The following SNAP25 variants were observed in gnomAD, a reference collection of about 807,000 sequenced individuals.
The protein encoded by SNAP25 is synaptosome associated protein 25.
A neutral mutation model predicts 28.7 loss-of-function variants in SNAP25; 3 were observed. The ratio of observed to expected loss-of-function variants is 0.10; its 90% CI spans 0.05 to 0.27. The LOEUF (loss-of-function observed/expected upper bound fraction) is 0.27. Among genes scored for constraint, SNAP25 ranks in the 10% least tolerant of loss-of-function variants. The pLI is 1.00. For missense variants in SNAP25, 117 were observed against 278.7 expected (o/e 0.42, Z 4.13); for synonymous variants, 61 against 88.1 (o/e 0.69, Z 1.72).
At chr20:10,270,396 G>C (rs866669154) in intron 1 of SNAP25, among the ~76,000 whole-genome samples, 1 of 151,836 alleles carries the variant, frequency 6.6e-6, no homozygotes, top group Admixed American at 6.6e-5. Context: ...TCACCTGAAG[G>C]CTGGCTGGAA....
At chr20:10,304,380 T>G (rs981107002) in intron 7 of SNAP25, among the ~76,000 whole-genome samples, 2 of 152,194 alleles carry the variant, frequency 1.3e-5, no homozygotes, top group African/African-American at 4.8e-5. Context: ...GCTGAAAATT[T>G]TTTGACTCCC....
chr20:10,258,419 C>G (rs1461590010), intron 1 of SNAP25, among the ~76,000 whole-genome samples: 1 of 152,148 alleles, frequency 6.6e-6, no homozygotes, highest in African/African-American at 2.4e-5. Context: ...TGAAAACTAT[C>G]CATGATCAAA....
chr20:10,278,862 C>G (rs1288929680), intron 3 of SNAP25, among the ~76,000 whole-genome samples: 1 of 145,406 alleles, frequency 6.9e-6, no homozygotes, highest in Non-Finnish European at 1.5e-5. Context: ...ATGTGAATTG[C>G]CACTGGAGGA....
chr20:10,295,323 C>T (rs1470653288), intron 5 of SNAP25, among the ~76,000 whole-genome samples: 3 of 152,190 alleles, frequency 2.0e-5, no homozygotes, highest in Admixed American at 6.5e-5. Flanking sequence ...GTATAGCAGA[C>T]ATTTGACATA....
At chr20:10,257,982 A>G (rs2063350096) in intron 1 of SNAP25, among the ~76,000 whole-genome samples, 1 of 152,166 alleles carries the variant, frequency 6.6e-6, no homozygotes, top group Non-Finnish European at 1.5e-5. Context: ...ACTAAGAAAA[A>G]TTATCCATAA....
chr20:10,251,440 G>T (rs76546764), intron 1 of SNAP25, among the ~76,000 whole-genome samples: 2,885 of 152,264 alleles, frequency 0.019, 97 homozygotes, highest in African/African-American at 0.066. Flanking sequence ...TTGAAGGCTG[G>T]ATGGAAGGCT....
intron 4 of SNAP25, among the ~76,000 whole-genome samples, chr20:10,291,058 T>A (rs182412012): frequency 5.9e-5 from 9 of 152,320 alleles, no homozygotes; most frequent in South Asian, 2.1e-4. Context: ...TATAGCCTTT[T>A]AAAAATTTTT....
intron 3 of SNAP25, among the ~76,000 whole-genome samples, chr20:10,280,416 A>G (rs1452164235): frequency 6.6e-6 from 1 of 152,220 alleles, no homozygotes; most frequent in Non-Finnish European, 1.5e-5. Context: ...TGGTGAATGC[A>G]TTTCAACAAA....
chr20:10,232,876 C>T (rs1448966330), intron 1 of SNAP25, among the ~76,000 whole-genome samples: 1 of 152,178 alleles, frequency 6.6e-6, no homozygotes, highest in African/African-American at 2.4e-5. Context: ...TCTGTGGGCT[C>T]AATGATTTTT....
At chr20:10,221,046 A>T (rs1158102004) in intron 1 of SNAP25, among the ~76,000 whole-genome samples, 1 of 152,236 alleles carries the variant, frequency 6.6e-6, no homozygotes, top group African/African-American at 2.4e-5. Flanking sequence ...TAACTTTGCA[A>T]TCTGCAGACA....
chr20:10,252,689 A>T (rs1436112186), intron 1 of SNAP25, among the ~76,000 whole-genome samples: 3 of 152,152 alleles, frequency 2.0e-5, no homozygotes, highest in Non-Finnish European at 4.4e-5. Context: ...CATTCCCCTA[A>T]AAAATTACAT....
In SNAP25 at chr20:10,275,579, C is replaced by A. The variant is rs2063678494; in HGVS notation, c.72+16C>A. The A allele has an allele frequency of 1.3e-6, 2 of 1,580,128 alleles. No individual in the cohort carries two copies. Among genetic ancestry groups the A allele is most frequent in the Admixed American group, 3.5e-5 (2 of 56,578 alleles). On this transcript the variant is annotated intron_variant, in intron 2 of 7. Coordinates refer to ENST00000254976, the MANE Select transcript of SNAP25 (RefSeq NM_130811.4). ...GGCTGATGAGGTAAGGAGTGGAGAC[C>A]TAGGAAGGGAGGCAAAAGATGAAGG...
chr20:10,264,951 T>C (rs2063483027), intron 1 of SNAP25, among the ~76,000 whole-genome samples: 1 of 145,504 alleles, frequency 6.9e-6, no homozygotes, highest in Non-Finnish European at 1.5e-5. Context: ...AGATGGAGTC[T>C]CGCTCTGTTG....
At chr20:10,280,119 G>C (rs1320581826) in intron 3 of SNAP25, among the ~76,000 whole-genome samples, 1 of 152,226 alleles carries the variant, frequency 6.6e-6, no homozygotes, top group East Asian at 1.9e-4. Flanking sequence ...TTGAAATTCA[G>C]TCTCAAAGAC....
At chr20:10,248,380 G>A (rs994994326) in intron 1 of SNAP25, among the ~76,000 whole-genome samples, 3 of 152,036 alleles carry the variant, frequency 2.0e-5, no homozygotes, top group African/African-American at 7.2e-5. Flanking sequence ...CGTGTTAATT[G>A]CAGAAAAATA....
chr20:10,290,810 C>T (rs920488541), intron 4 of SNAP25, among the ~76,000 whole-genome samples: 2 of 152,164 alleles, frequency 1.3e-5, no homozygotes, highest in African/African-American at 4.8e-5. Context: ...TCCTCCAATC[C>T]ATCTCAAGCC....
intron 1 of SNAP25, among the ~76,000 whole-genome samples, chr20:10,256,184 A>T (rs2063316012): frequency 6.6e-6 from 1 of 152,238 alleles, no homozygotes; most frequent in South Asian, 2.1e-4. Flanking sequence ...AATAGCTAAG[A>T]TTTAGGCAAG....
chr20:10,278,448 C>T (rs939062280), intron 3 of SNAP25, among the ~76,000 whole-genome samples: 1 of 152,140 alleles, frequency 6.6e-6, no homozygotes, highest in Non-Finnish European at 1.5e-5. Flanking sequence ...GAGCAGCAGT[C>T]GGCCAGGCAA....
intron 1 of SNAP25, among the ~76,000 whole-genome samples, chr20:10,253,057 C>G (rs1433764181): frequency 2.0e-5 from 3 of 152,186 alleles, no homozygotes; most frequent in South Asian, 2.1e-4. Context: ...TCTTAATTAT[C>G]ATTTCCAAGG....
Sources: allele counts gnomAD v4.1 joint callset (sites outside exome capture counted in the v4.1 genomes callset), GRCh38; gene constraint gnomAD v4.1.1; transcripts MANE v1.5; gene names NCBI Gene and HGNC (gene_info 2026-07-23, HGNC 2026-07-21).